The following PDE11A variants were observed in gnomAD, a reference collection of about 807,000 sequenced individuals.
The protein encoded by PDE11A is dual 3',5'-cyclic-AMP and -GMP phosphodiesterase 11A.
Under a neutral mutation model 100.5 loss-of-function variants are expected in PDE11A, and 100 were observed. The observed-to-expected ratio is 1.00, with a 90% CI of 0.85 to 1.18. PDE11A has a LOEUF of 1.18. PDE11A is among the 50% of genes most tolerant of loss of function. PDE11A has a pLI of 0.00. For synonymous variants in PDE11A, 381 were observed against 420.8 expected (o/e 0.91, Z 1.16); for missense variants, 1,141 against 1,152.6 (o/e 0.99, Z 0.15).
chr2:177,742,893 C>T, intron 10 of PDE11A, among the ~76,000 whole-genome samples: 1 of 152,062 alleles, frequency 6.6e-6, no homozygotes, highest in East Asian at 1.9e-4. Context: ...AAAGGGAGGC[C>T]CCAGCTAAGA....
intron 1 of PDE11A, among the ~76,000 whole-genome samples, chr2:178,070,985 C>T (rs2087119120): frequency 6.6e-6 from 1 of 152,152 alleles, no homozygotes; most frequent in Non-Finnish European, 1.5e-5. Context: ...TCTTCTTTTC[C>T]TCTTTTCCCT....
rs11896183 is a variant in PDE11A, at chr2:178,061,533, G to A, written c.912+9993C>T. The stretch of plus-strand genomic sequence containing the variant: ...CTTACTCAAACATGATCTACCAAGC[G>A]TCTACTCTATGCCAGATCCCGTGGT... On this transcript the variant is annotated intron_variant, in intron 1 of 19. Transcript: ENST00000286063. Among the ~76,000 whole-genome samples, 903 of 152,200 alleles carry A rather than the reference G, an allele frequency of 5.9e-3. 5 individuals carry two copies. Among genetic ancestry groups the A allele is most frequent in the African/African-American group, 0.021 (861 of 41,514 alleles).
intron 13 of PDE11A, among the ~76,000 whole-genome samples, chr2:177,703,711 G>A (rs1041252161): frequency 2.0e-5 from 3 of 152,162 alleles, no homozygotes; most frequent in African/African-American, 7.2e-5. Context: ...GCATCAGCTA[G>A]ATGATCAGAA....
chr2:177,634,063 T>C (rs1402904968), intron 19 of PDE11A, among the ~76,000 whole-genome samples: 1 of 152,200 alleles, frequency 6.6e-6, no homozygotes. Context: ...CCCAAGCATT[T>C]ACTAAATTAC....
At chr2:177,650,183 G>A (rs1183206201) in intron 19 of PDE11A, among the ~76,000 whole-genome samples, 2 of 152,220 alleles carry the variant, frequency 1.3e-5, no homozygotes, top group East Asian at 1.9e-4. Context: ...AAAAGCGATC[G>A]ATGTCTCCTG....
At chr2:178,090,428 A>AT (rs1198956198) in intron 2 of PDE11A, among the ~76,000 whole-genome samples, 24 of 152,052 alleles carry the variant, frequency 1.6e-4, no homozygotes, top group African/African-American at 5.6e-4. Flanking sequence ...TTTAACTACA[A>AT]TTTTTTTAAT....
chr2:177,702,314 C>T (rs1303296606), intron 13 of PDE11A, among the ~76,000 whole-genome samples: 4 of 140,806 alleles, frequency 2.8e-5, no homozygotes, highest in African/African-American at 5.2e-5. Context: ...GACTCCGTCT[C>T]AAAAAAAAAA....
Position 177,840,302 on chromosome 2 carries a change from G to A in PDE11A, c.1449C>T (p.Gly483=). ...AGGCATCACTGATGTTCACTGGAAG[G>A]CCTGTTGAAGCAACCAGCTCAGCAA... is the stretch of plus-strand genomic sequence containing the variant. ...NSIAELVAST[G]LPVNISDAYQ... The change falls in exon 6 of 20, where the codon GGC becomes GGT. Residue 483 remains glycine (G), a synonymous_variant. Coordinates refer to ENST00000286063, the MANE Select transcript of PDE11A (RefSeq NM_016953.4). The A allele has an allele frequency of 6.2e-7, 1 of 1,613,842 alleles. No homozygotes were observed. Among genetic ancestry groups the A allele is most frequent in the South Asian group, 1.1e-5 (1 of 91,080 alleles).
intron 10 of PDE11A, among the ~76,000 whole-genome samples, chr2:177,761,023 C>G (rs1281053591): frequency 6.6e-6 from 1 of 151,778 alleles, no homozygotes; most frequent in East Asian, 1.9e-4. Flanking sequence ...TTTTGAAGGT[C>G]AAAAAAATAG....
At chr2:178,059,400 T>C (rs1559057902) in intron 1 of PDE11A, among the ~76,000 whole-genome samples, 2 of 152,174 alleles carry the variant, frequency 1.3e-5, no homozygotes, top group Admixed American at 1.3e-4. Flanking sequence ...CCACCCCTGA[T>C]CCAGGTAGCA....
At chr2:178,043,830 G>C (rs1193749905) in intron 1 of PDE11A, among the ~76,000 whole-genome samples, 2 of 152,204 alleles carry the variant, frequency 1.3e-5, no homozygotes. Context: ...CTCATGTTAA[G>C]TAATTTACCA....
chr2:177,807,340 G>A (rs1478088914), intron 9 of PDE11A, among the ~76,000 whole-genome samples: 1 of 152,110 alleles, frequency 6.6e-6, no homozygotes, highest in Admixed American at 6.5e-5. Flanking sequence ...CCACTGATTT[G>A]ATTTCTTCTA....
At chr2:177,643,517 G>T (rs1032952894) in intron 19 of PDE11A, among the ~76,000 whole-genome samples, 6 of 152,206 alleles carry the variant, frequency 3.9e-5, no homozygotes, top group African/African-American at 1.4e-4. Context: ...CATTCTAGAG[G>T]TGACTTGGCT....
At chr2:177,963,128 T>C (rs1020537086) in intron 2 of PDE11A, among the ~76,000 whole-genome samples, 4 of 152,206 alleles carry the variant, frequency 2.6e-5, no homozygotes, top group Admixed American at 2.6e-4. Flanking sequence ...GTCCTTTAAC[T>C]ATTTCAAACA....
intron 14 of PDE11A, among the ~76,000 whole-genome samples, chr2:177,698,200 T>A (rs1045051430): frequency 3.3e-5 from 5 of 152,202 alleles, no homozygotes; most frequent in African/African-American, 1.2e-4. Flanking sequence ...CTAGGATGCA[T>A]AAGACATCGT....
At chr2:177,939,451 AAGG>A (rs1408101824) in intron 2 of PDE11A, among the ~76,000 whole-genome samples, 4 of 136,862 alleles carry the variant, frequency 2.9e-5, no homozygotes, top group African/African-American at 1.1e-4. Flanking sequence ...GGAAGAAAGG[AAGG>A]AGGGAGGGAG....
chr2:177,737,809 G>A (rs1228850902), intron 10 of PDE11A, among the ~76,000 whole-genome samples: 1 of 152,222 alleles, frequency 6.6e-6, no homozygotes, highest in Non-Finnish European at 1.5e-5. Flanking sequence ...TGATGGACAA[G>A]GATAGGAATT....
intron 4 of PDE11A, among the ~76,000 whole-genome samples, chr2:177,880,887 T>C (rs1161135670): frequency 6.6e-6 from 1 of 152,204 alleles, no homozygotes; most frequent in East Asian, 1.9e-4. Context: ...AAATAAGGTC[T>C]CTAACCTTTT....
At chr2:177,678,729 A>C (rs1326661482) in intron 16 of PDE11A, among the ~76,000 whole-genome samples, 2 of 152,202 alleles carry the variant, frequency 1.3e-5, no homozygotes, top group African/African-American at 4.8e-5. Flanking sequence ...TTTATGTAAC[A>C]TGCTTCCAAA....
Sources: allele counts gnomAD v4.1 joint callset (sites outside exome capture counted in the v4.1 genomes callset), GRCh38; gene constraint gnomAD v4.1.1; transcripts MANE v1.5; gene names NCBI Gene and HGNC (gene_info 2026-07-23, HGNC 2026-07-21).